The following ZBTB49 variants were observed in gnomAD, a reference collection of about 807,000 sequenced individuals.
The protein encoded by ZBTB49 is zinc finger and BTB domain containing 49.
ZBTB49 carries 43 observed loss-of-function variants against 57.5 expected under a neutral mutation model. The observed-to-expected ratio is 0.75, with a 90% confidence interval of 0.59 to 0.97. The LOEUF is 0.97. Among genes scored for constraint, ZBTB49 ranks in the 50% least tolerant of loss-of-function variants. The pLI is 0.00. For missense variants in ZBTB49, 938 were observed against 947.7 expected (o/e 0.99, Z 0.13); for synonymous variants, 369 against 362.1 (o/e 1.02, Z -0.22).
rs781095798 is a variant in ZBTB49, at chr4:4,302,575, A to G, written c.739A>G (p.Thr247Ala). Residue 247 changes from threonine (T) to alanine (A), a missense_variant, in exon 3 of 8, where the codon ACA (threonine) becomes GCA (alanine). Thr to Ala is a moderately conservative substitution (Grantham distance 58, BLOSUM62 0). This residue lies in a region of ZBTB49 where 835 missense variants were observed against 819.1 expected (regional missense o/e 1.02). Coordinates refer to ENST00000337872, the MANE Select transcript of ZBTB49 (RefSeq NM_145291.4). Reference sequence around the variant, plus strand: ...GCAGCCTTTTGCTTTCAGCACCTCTACAGACCTTACCACGGTAGAGAGCCA... The same window carrying G: ...GCAGCCTTTTGCTTTCAGCACCTCTGCAGACCTTACCACGGTAGAGAGCCA... ...VEQPFAFSTS[T>A]DLTTVESQPC... 1.3e-5 allele frequency: 21 copies of G among 1,613,916 alleles called. No homozygotes were observed. The highest frequency in any genetic ancestry group is 1.8e-5 in the Non-Finnish European group (21 of 1,179,978).
intron 7 of ZBTB49, among the ~76,000 whole-genome samples, chr4:4,318,890 T>TTA (rs150424096): frequency 5.9e-5 from 8 of 135,812 alleles, no homozygotes; most frequent in Middle Eastern, 3.8e-3. Flanking sequence ...TTGTTTTTTT[T>TTA]AATCTTTTTT....
chr4:4,306,398 A>G (rs143775553), intron 4 of ZBTB49, among the ~76,000 whole-genome samples: 107 of 152,340 alleles, frequency 7.0e-4, no homozygotes, highest in African/African-American at 2.5e-3. Flanking sequence ...AATTCTTACA[A>G]TACTTTTTTC....
rs1178485186 is a variant in ZBTB49 at position 4,321,491 on chromosome 4, G to A, written c.*175G>A. On this transcript the variant is annotated 3_prime_UTR_variant, in exon 8 of 8. Transcript: ENST00000337872. ...CATCTTGAGCTGGGGGTGTGAGGGG[G>A]AGGGCCTGCTGGCTCACCGTGAGGC... is the stretch of plus-strand genomic sequence containing the variant. The A allele has an allele frequency of 5.3e-6, 4 of 752,012 alleles. No individual in the cohort carries two copies. The highest frequency in any genetic ancestry group is 6.3e-6 in the Non-Finnish European group (3 of 477,912). 46.6% of individuals were successfully genotyped at this position (752,012 alleles called of 1,614,324 possible).
chr4:4,290,293 C>G lies in ZBTB49; in HGVS notation c.-79C>G, dbSNP rs1719823259. On this transcript the variant is annotated 5_prime_UTR_variant, in exon 1 of 8. Coordinates refer to ENST00000337872, the MANE Select transcript of ZBTB49 (RefSeq NM_145291.4). The stretch of plus-strand genomic sequence containing the variant: ...GCGGCCAGCGGATCGCTGCGAGTGG[C>G]CTTGAAGGCAGCTGCTGCAGGTGAA... 6.6e-6 allele frequency: 1 copy of G among 152,402 alleles called. No individual in the cohort carries two copies. The highest frequency in any genetic ancestry group is 2.1e-4 in the South Asian group (1 of 4,838). 9.4% of individuals were successfully genotyped at this position (152,402 alleles called of 1,614,324 possible). A position where few individuals can be genotyped will look rare whatever the true frequency, so the allele number is the denominator to read the frequency against.
intron 7 of ZBTB49, among the ~76,000 whole-genome samples, chr4:4,317,472 C>T (rs1721236065): frequency 6.6e-6 from 1 of 151,986 alleles, no homozygotes; most frequent in Admixed American, 6.6e-5. Context: ...AGCCTTATAC[C>T]CATTAGCAAC....
intron 1 of ZBTB49, among the ~76,000 whole-genome samples, chr4:4,298,551 C>G (rs1720326078): frequency 6.6e-6 from 1 of 152,096 alleles, no homozygotes; most frequent in African/African-American, 2.4e-5. Flanking sequence ...CTCAGCCTCT[C>G]AAGTAGCTGG....
rs768208005 is a variant in ZBTB49, at chr4:4,302,277, T to G, written c.441T>G (p.Val147=). The G allele has an allele frequency of 1.2e-6, 2 of 1,614,142 alleles. No individual in the cohort carries two copies. Among genetic ancestry groups the G allele is most frequent in the Non-Finnish European group, 1.7e-6 (2 of 1,179,976 alleles). The change falls in exon 3 of 8, where the codon GTT becomes GTG. Residue 147 remains valine (V), a synonymous_variant. Coordinates refer to ENST00000337872, the MANE Select transcript of ZBTB49 (RefSeq NM_145291.4). ...CCCTGACCCCAGATGCCACTTGTGT[T>G]ATCAGTGAAAACTACCCCCCTCATT... ...QSTLTPDATC[V]ISENYPPHLL... is the part of the protein sequence containing the mutation.
At chr4:4,315,767 G>A (rs769990421) in intron 6 of ZBTB49, 42 bp from the exon 7 acceptor site, 2 of 1,613,846 alleles carry the variant, frequency 1.2e-6, no homozygotes, top group South Asian at 1.1e-5. Context: ...TGATTAAAAT[G>A]TTCTCTGTCC....
intron 7 of ZBTB49, 54 bp from the exon 8 acceptor site, chr4:4,320,586 G>A: frequency 6.2e-7 from 1 of 1,602,850 alleles, no homozygotes; most frequent in Non-Finnish European, 8.5e-7. Flanking sequence ...ACCAGCCTGG[G>A]CCACATAGTG....
intron 1 of ZBTB49, among the ~76,000 whole-genome samples, chr4:4,294,872 C>CGTGTGTGTGTGTGTGT (rs10626183): frequency 4.1e-4 from 57 of 138,122 alleles, no homozygotes; most frequent in Non-Finnish European, 5.6e-4. Flanking sequence ...AGGAGGGTTT[C>CGTGTGTGTGTGTGTGT]GTGTGTGTGT....
In ZBTB49 at chr4:4,302,771, T is replaced by C; in HGVS notation, c.935T>C (p.Leu312Pro). Reference protein sequence around the residue: ...RLKKAIHLKKLNFLKSQKYAE... With the variant: ...RLKKAIHLKKPNFLKSQKYAE... ...AAAAAGGCCATTCATCTGAAGAAGC[T>C]CAATTTCCTGAAGTCACAGAAATAC... Residue 312 changes from leucine (L) to proline (P), a missense_variant, in exon 3 of 8, where the codon CTC (leucine) becomes CCC (proline). Leu to Pro is a moderately conservative substitution (Grantham distance 98). Around this residue, in one of 3 missense-constraint regions of ZBTB49, gnomAD observed 835 missense variants for 819.1 expected, o/e 1.02. Coordinates refer to ENST00000337872, the MANE Select transcript of ZBTB49 (RefSeq NM_145291.4). 1.2e-6 allele frequency: 2 copies of C among 1,613,976 alleles called. No homozygotes were observed. The highest frequency in any genetic ancestry group is 1.7e-6 in the Non-Finnish European group (2 of 1,179,990).
chr4:4,298,537 C>T (rs984503725), intron 1 of ZBTB49, among the ~76,000 whole-genome samples: 1 of 152,160 alleles, frequency 6.6e-6, no homozygotes, highest in Non-Finnish European at 1.5e-5. Context: ...AGCAGTCCTC[C>T]TCCCTCAGCC....
At chr4:4,311,511 T>C (rs1214314160) in intron 4 of ZBTB49, among the ~76,000 whole-genome samples, 2 of 152,338 alleles carry the variant, frequency 1.3e-5, no homozygotes, top group African/African-American at 4.8e-5. Flanking sequence ...AAACTTGTGT[T>C]TCCTCAAGGT....
intron 5 of ZBTB49, 42 bp downstream of exon 5, chr4:4,313,156 C>T (rs779486360): frequency 5.0e-6 from 8 of 1,609,926 alleles, no homozygotes; most frequent in Non-Finnish European, 2.5e-6. Flanking sequence ...GGGAGCATGT[C>T]TAGTCTCAGT....
In ZBTB49 at chr4:4,302,539, A is replaced by G. The variant is rs1420605735; in HGVS notation, c.703A>G (p.Arg235Gly). ...HKHAAGPSQE[R>G]VVEQPFAFST... is the part of the protein sequence containing the mutation. Reference sequence around the variant, plus strand: ...ACACGCAGCTGGTCCCAGTCAGGAGAGAGTTGTTGAGCAGCCTTTTGCTTT... The same window carrying G: ...ACACGCAGCTGGTCCCAGTCAGGAGGGAGTTGTTGAGCAGCCTTTTGCTTT... Residue 235 changes from arginine (R) to glycine (G), a missense_variant, in exon 3 of 8, where the codon AGA becomes GGA. By Grantham distance (125) the Arg-to-Gly change is moderately radical. Around this residue, in one of 3 missense-constraint regions of ZBTB49, gnomAD observed 835 missense variants for 819.1 expected, o/e 1.02. Transcript: ENST00000337872. The G allele has an allele frequency of 1.2e-6, 2 of 1,613,890 alleles. No individual in the cohort carries two copies. Among genetic ancestry groups the G allele is most frequent in the Non-Finnish European group, 1.7e-6 (2 of 1,179,942 alleles).
At chr4:4,303,471 G>T (rs1720595397) in intron 3 of ZBTB49, among the ~76,000 whole-genome samples, 2 of 152,024 alleles carry the variant, frequency 1.3e-5, no homozygotes, top group Non-Finnish European at 2.9e-5. Context: ...CTTATTTTTT[G>T]AAAGCATCAT....
chr4:4,295,697 C>T (rs1326291376), intron 1 of ZBTB49, among the ~76,000 whole-genome samples: 3 of 152,148 alleles, frequency 2.0e-5, no homozygotes, highest in Non-Finnish European at 4.4e-5. Context: ...TGGGGCAGTA[C>T]CTCAGTGTTG....
chr4:4,317,281 G>T (rs1474846906), intron 7 of ZBTB49, among the ~76,000 whole-genome samples: 1 of 152,136 alleles, frequency 6.6e-6, no homozygotes, highest in Non-Finnish European at 1.5e-5. Flanking sequence ...ATGGGGGAGC[G>T]CTGAAGAGAG....
chr4:4,292,022 C>T (rs1719962450), intron 1 of ZBTB49, among the ~76,000 whole-genome samples: 2 of 152,146 alleles, frequency 1.3e-5, no homozygotes, highest in Non-Finnish European at 2.9e-5. Context: ...CCTGTAATCC[C>T]AGCACTTTGG....
Sources: gnomAD v4.1 joint callset for allele counts (sites outside exome capture counted in the v4.1 genomes callset) on GRCh38, gnomAD v4.1.1 for gene constraint, gnomAD v4.1.1 regional missense constraint, MANE v1.5 for transcripts, NCBI Gene and HGNC (gene_info 2026-07-23, HGNC 2026-07-21) for gene names.